The following PBX1 variants were observed in gnomAD, a reference collection of about 807,000 sequenced individuals.
PBX1 encodes PBX homeobox 1.
A neutral mutation model predicts 53.4 loss-of-function variants in PBX1; 6 were observed. That is an observed-to-expected ratio of 0.11 (90% CI 0.06 to 0.22). PBX1 has a LOEUF of 0.22. Among genes scored for constraint, PBX1 ranks in the 10% least tolerant of loss-of-function variants. PBX1 has a pLI of 1.00. For synonymous variants in PBX1, 204 were observed against 212.3 expected, an observed-to-expected ratio of 0.96 and a Z score of 0.34; for missense variants, 251 against 551.4, an observed-to-expected ratio of 0.46 and a Z score of 5.46.
chr1:164,723,433 C>T (rs982326401), intron 2 of PBX1, among the ~76,000 whole-genome samples: 1 of 152,250 alleles, frequency 6.6e-6, no homozygotes, highest in Middle Eastern at 3.4e-3. Flanking sequence ...GTGCTTGGAG[C>T]ATTGGCAGTC....
intron 2 of PBX1, among the ~76,000 whole-genome samples, chr1:164,568,860 T>C (rs926419406): frequency 1.3e-5 from 2 of 152,218 alleles, no homozygotes; most frequent in African/African-American, 4.8e-5. Context: ...CAGGAATAGA[T>C]TGTCATAAGA....
chr1:164,579,344 C>T lies in PBX1; in HGVS notation c.265+16033C>T, dbSNP rs79574559. 8.0e-3 allele frequency among the ~76,000 whole-genome samples: 1,218 copies of T among 151,856 alleles called. 16 individuals are homozygous for T. The highest frequency in any genetic ancestry group is 0.028 in the African/African-American group (1,140 of 41,372). On this transcript the variant is annotated intron_variant, in intron 2 of 8. Coordinates refer to ENST00000420696, the MANE Select transcript of PBX1 (RefSeq NM_002585.4). Reference sequence around the variant, plus strand: ...TTAGCGTCATCTTTCACTTTCATACCCTCCCCTTCTCTCCCTCCCTGCTAG... The same window carrying T: ...TTAGCGTCATCTTTCACTTTCATACTCTCCCCTTCTCTCCCTCCCTGCTAG...
intron 2 of PBX1, among the ~76,000 whole-genome samples, chr1:164,783,048 C>T (rs1238681746): frequency 6.6e-6 from 1 of 152,188 alleles, no homozygotes; most frequent in Non-Finnish European, 1.5e-5. Context: ...GGTGAGATTA[C>T]TTCAGAACTA....
intron 2 of PBX1, among the ~76,000 whole-genome samples, chr1:164,651,435 T>C (rs932946336): frequency 2.6e-5 from 4 of 152,008 alleles, no homozygotes; most frequent in Admixed American, 1.3e-4. Context: ...TTCCCTACCC[T>C]CCGATGTCAT....
chr1:164,690,143 C>T (rs1370702647), intron 2 of PBX1, among the ~76,000 whole-genome samples: 6 of 152,206 alleles, frequency 3.9e-5, no homozygotes, highest in Non-Finnish European at 7.3e-5. Context: ...GGCTCCTCCT[C>T]GGCCTCCCCT....
chr1:164,873,933 C>A (rs1672441343), intron 2 of PBX1, among the ~76,000 whole-genome samples: 3 of 144,604 alleles, frequency 2.1e-5, no homozygotes, highest in African/African-American at 7.7e-5. Context: ...CTTTTAATTT[C>A]AAAAATCCTA....
chr1:164,583,135 A>G lies in PBX1; in HGVS notation c.265+19824A>G, dbSNP rs1034628737. Among the ~76,000 whole-genome samples, 3 of 152,298 alleles carry G rather than the reference A, an allele frequency of 2.0e-5. No homozygotes were observed. In the East Asian group the frequency reaches 5.8e-4, roughly 29 times the overall value. On this transcript the variant is annotated intron_variant, in intron 2 of 8. Coordinates refer to ENST00000420696, the MANE Select transcript of PBX1 (RefSeq NM_002585.4). The stretch of plus-strand genomic sequence containing the variant: ...GGAATAAACATGTATTAATAGTTAT[A>G]TTGTACTCTAGCTGGATAATTGCTA...
intron 2 of PBX1, among the ~76,000 whole-genome samples, chr1:164,671,213 C>G (rs568295434): frequency 1.3e-4 from 19 of 150,132 alleles, no homozygotes; most frequent in Non-Finnish European, 2.4e-4. Context: ...AGAGAAGTTA[C>G]TCTTGGTTTT....
At chr1:164,742,752 C>G (rs886687349) in intron 2 of PBX1, among the ~76,000 whole-genome samples, 1 of 152,124 alleles carries the variant, frequency 6.6e-6, no homozygotes, top group Non-Finnish European at 1.5e-5. Context: ...TGGAGAGCGG[C>G]TGCTTGACCC....
intron 2 of PBX1, among the ~76,000 whole-genome samples, chr1:164,599,863 T>A (rs975639771): frequency 6.6e-5 from 10 of 152,188 alleles, no homozygotes; most frequent in African/African-American, 2.4e-4. Context: ...CCCGCTTTTT[T>A]TTTCTTCTTT....
In PBX1 at chr1:164,644,955, G is replaced by A. The variant is rs1473741519; in HGVS notation, c.265+81644G>A. Reference sequence around the variant, plus strand: ...AGTAAATCTTTCTCTTAATAAAGCCGTTTTTCAAATCTGACTTTGGACTAG... The same window carrying A: ...AGTAAATCTTTCTCTTAATAAAGCCATTTTTCAAATCTGACTTTGGACTAG... On this transcript the variant is annotated intron_variant, in intron 2 of 8. Transcript: ENST00000420696. 2.0e-5 allele frequency among the ~76,000 whole-genome samples: 3 copies of A among 152,134 alleles called. No homozygotes were observed. In the South Asian group the frequency reaches 6.2e-4, roughly 32 times the overall value.
At chr1:164,668,504 C>A (rs1660939301) in intron 2 of PBX1, among the ~76,000 whole-genome samples, 1 of 152,140 alleles carries the variant, frequency 6.6e-6, no homozygotes, top group African/African-American at 2.4e-5. Flanking sequence ...AGCCAGGGCC[C>A]TGCTGGGCTG....
chr1:164,853,644 T>C (rs1450666766), downstream of PBX1, among the ~76,000 whole-genome samples: 4 of 152,182 alleles, frequency 2.6e-5, no homozygotes, highest in Admixed American at 6.5e-5. Context: ...AATGTTGTTT[T>C]CTAGCGTGCC....
At chr1:164,702,207 T>A (rs752190990) in intron 2 of PBX1, among the ~76,000 whole-genome samples, 1 of 152,008 alleles carries the variant, frequency 6.6e-6, no homozygotes, top group Non-Finnish European at 1.5e-5. Flanking sequence ...TTTAATGTTC[T>A]CCATATATAG....
intron 6 of PBX1, chr1:164,817,375 T>C (rs1357737674): frequency 6.6e-6 from 1 of 152,228 alleles, no homozygotes; most frequent in Non-Finnish European, 1.5e-5. Context: ...GTCCTCCCCT[T>C]GTAGTTCAGA....
chr1:164,637,068 G>A (rs937325124), intron 2 of PBX1, among the ~76,000 whole-genome samples: 1 of 152,074 alleles, frequency 6.6e-6, no homozygotes, highest in African/African-American at 2.4e-5. Context: ...AACTGACCTC[G>A]TTAATTTTAA....
At chr1:164,565,182 G>A (rs1180625827) in intron 2 of PBX1, among the ~76,000 whole-genome samples, 1 of 151,952 alleles carries the variant, frequency 6.6e-6, no homozygotes, top group South Asian at 2.1e-4. Context: ...TAAAGAGTTC[G>A]CTCCTTGTTC....
At chr1:164,560,184 GT>G (rs1652929911) in intron 1 of PBX1, 171 bp downstream of exon 1, 1 of 540,828 alleles carries the variant, frequency 1.8e-6, no homozygotes, top group Non-Finnish European at 3.2e-6. Context: ...AAGGAGCGTT[GT>G]TATCGAAAGT....
chr1:164,849,089 C>G lies in PBX1; in HGVS notation c.*2413C>G. On this transcript the variant is annotated 3_prime_UTR_variant, in exon 9 of 9. Coordinates refer to ENST00000420696, the MANE Select transcript of PBX1 (RefSeq NM_002585.4). ...CAGGAATATAATGAAACTACCCACG[C>G]AAGAACATGGTTGAATCACATTTGC... 7.5e-7 allele frequency: 1 copy of G among 1,327,526 alleles called. No individual in the cohort carries two copies. The highest frequency in any genetic ancestry group is 2.9e-4 in the Middle Eastern group (1 of 3,454). 82.2% of individuals were successfully genotyped at this position (1,327,526 alleles called of 1,614,324 possible).
Sources: allele counts gnomAD v4.1 joint callset (sites outside exome capture counted in the v4.1 genomes callset), GRCh38; gene constraint gnomAD v4.1.1; transcripts MANE v1.5; gene names NCBI Gene and HGNC (gene_info 2026-07-23, HGNC 2026-07-21).